INKA2: variants seen among roughly 807,000 people sequenced by gnomAD.
INKA2 encodes the protein inka box actin regulator 2.
Under a neutral mutation model 9.8 loss-of-function variants are expected in INKA2, and 3 were observed. The ratio of observed to expected loss-of-function variants is 0.31; its 90% CI spans 0.14 to 0.79. The LOEUF is 0.79. INKA2 is among the 30% of genes least tolerant of loss of function. The probability of loss-of-function intolerance (pLI) is 0.62; values close to 1 mark genes in which losing one functional copy is unlikely to be tolerated. For missense variants in INKA2, 392 were observed against 384.4 expected, an observed-to-expected ratio of 1.02 and a Z score of -0.17; for synonymous variants, 147 against 143.3, an observed-to-expected ratio of 1.03 and a Z score of -0.18.
chr1:111,748,432 A>C (rs1663320460), intron 1 of INKA2, among the ~76,000 whole-genome samples: 1 of 152,204 alleles, frequency 6.6e-6, no homozygotes, highest in African/African-American at 2.4e-5. Flanking sequence ...AGGCCCTTTG[A>C]AATGTCGAGA....
intron 1 of INKA2, among the ~76,000 whole-genome samples, chr1:111,748,327 G>C (rs1295989436): frequency 6.6e-6 from 1 of 152,228 alleles, no homozygotes; most frequent in African/African-American, 2.4e-5. Flanking sequence ...GCTGGCTCTA[G>C]ATTGGCCCTG....
At chr1:111,733,808 C>T (rs1662958960) in intron 1 of INKA2, among the ~76,000 whole-genome samples, 2 of 152,202 alleles carry the variant, frequency 1.3e-5, no homozygotes, top group Non-Finnish European at 1.5e-5. Context: ...AAACCCTCCC[C>T]TGGGCCCCGA....
upstream of INKA2, among the ~76,000 whole-genome samples, chr1:111,743,151 G>A (rs902757690): frequency 6.6e-6 from 1 of 152,162 alleles, no homozygotes; most frequent in Non-Finnish European, 1.5e-5. Context: ...CATTTCTGCT[G>A]AAGAGGAATC....
rs941532992 is a variant in INKA2, at chr1:111,726,455, G to A, written c.*513C>T. On this transcript the variant is annotated 3_prime_UTR_variant, in exon 2 of 2. Coordinates refer to ENST00000357260, the MANE Select transcript of INKA2 (RefSeq NM_019099.5). Reference sequence around the variant, plus strand: ...CTGCTCCAGTCCCAGGAGGCCTGGGGTTCAGTCCCTGTGCCTGGAGCAATG... The same window carrying A: ...CTGCTCCAGTCCCAGGAGGCCTGGGATTCAGTCCCTGTGCCTGGAGCAATG... 13 of 210,046 alleles carry A rather than the reference G, an allele frequency of 6.2e-5. No homozygotes were observed. Among genetic ancestry groups the A allele is most frequent in the Admixed American group, 2.2e-4 (4 of 18,494 alleles). 13.0% of individuals were successfully genotyped at this position (210,046 alleles called of 1,614,324 possible).
intron 1 of INKA2, among the ~76,000 whole-genome samples, chr1:111,731,642 G>A (rs1055961257): frequency 2.0e-5 from 3 of 152,122 alleles, no homozygotes; most frequent in Non-Finnish European, 2.9e-5. Context: ...GTAAGCTGCC[G>A]CGCCCAGCCA....
chr1:111,734,678 A>T (rs1662976329), intron 1 of INKA2, among the ~76,000 whole-genome samples: 1 of 152,202 alleles, frequency 6.6e-6, no homozygotes, highest in African/African-American at 2.4e-5. Context: ...TGGTCTTCAG[A>T]CATCCCCACC....
intron 1 of INKA2, 65 bp downstream of exon 1, chr1:111,739,121 G>A (rs1663078257): frequency 6.6e-6 from 10 of 1,512,540 alleles, no homozygotes; most frequent in Non-Finnish European, 8.2e-6. Context: ...GGGGGCCGGG[G>A]CGGAGACCAG....
chr1:111,743,141 C>A (rs1663183765), upstream of INKA2, among the ~76,000 whole-genome samples: 1 of 152,174 alleles, frequency 6.6e-6, no homozygotes. Context: ...GGACGTGATT[C>A]ATTTCTGCTG....
chr1:111,748,124 G>A (rs185869614), intron 1 of INKA2, among the ~76,000 whole-genome samples: 6 of 152,354 alleles, frequency 3.9e-5, no homozygotes, highest in Admixed American at 3.9e-4. Context: ...TGAGCCATGT[G>A]CTTGCAGGTG....
rs1484349248 is a variant in INKA2, at chr1:111,726,283, G to A, written c.*685C>T. ...TGCTATGTCAACATCCTTCCCCTGT[G>A]CATGGGGGAGACGCGGGGAGTGTCT... On this transcript the variant is annotated 3_prime_UTR_variant, in exon 2 of 2. Transcript: ENST00000357260. 2 of 384,484 alleles carry A rather than the reference G, an allele frequency of 5.2e-6. No homozygotes were observed. Among genetic ancestry groups the A allele is most frequent in the Non-Finnish European group, 9.2e-6 (2 of 217,638 alleles). 23.8% of individuals were successfully genotyped at this position (384,484 alleles called of 1,614,324 possible). A position where few individuals can be genotyped will look rare whatever the true frequency, so the allele number is the denominator to read the frequency against.
intron 1 of INKA2, among the ~76,000 whole-genome samples, chr1:111,736,661 A>G (rs1663013993): frequency 6.6e-6 from 1 of 152,198 alleles, no homozygotes; most frequent in Non-Finnish European, 1.5e-5. Context: ...CAGGCAACAC[A>G]ATGTCTTCCT....
At position 111,739,215 on chromosome 1, in the gene INKA2, A is replaced by G; in HGVS notation, c.28T>C (p.Cys10Arg). 6.2e-7 allele frequency: 1 copy of G among 1,613,734 alleles called. No individual in the cohort carries two copies. The highest frequency in any genetic ancestry group is 8.5e-7 in the Non-Finnish European group (1 of 1,179,770). MTMESREMDCYLRRLKQELM... is the reference protein window; with the variant it reads MTMESREMDRYLRRLKQELM... ...TCCTGTTTGAGGCGACGGAGATAGC[A>G]GTCCATTTCCCTGCTCTCCATCGTC... Residue 10 changes from cysteine (C) to arginine (R), a missense_variant, in exon 1 of 2, where the codon TGC becomes CGC. Cys to Arg is a radical substitution (Grantham distance 180, BLOSUM62 -3). Coordinates refer to ENST00000357260, the MANE Select transcript of INKA2 (RefSeq NM_019099.5).
intron 1 of INKA2, among the ~76,000 whole-genome samples, chr1:111,738,906 T>A (rs1480360749): frequency 6.6e-6 from 1 of 152,196 alleles, no homozygotes; most frequent in Non-Finnish European, 1.5e-5. Context: ...CTATCTTCTC[T>A]CTGGGGTTCT....
chr1:111,726,087 A>G lies in INKA2; in HGVS notation c.*881T>C, dbSNP rs978020557. The G allele has an allele frequency of 1.8e-5, 7 of 398,552 alleles. No individual in the cohort carries two copies. Among genetic ancestry groups the G allele is most frequent in the East Asian group, 7.1e-5 (2 of 28,090 alleles). 24.7% of individuals were successfully genotyped at this position (398,552 alleles called of 1,614,324 possible). On this transcript the variant is annotated 3_prime_UTR_variant, in exon 2 of 2. Transcript: ENST00000357260. ...AGGAGTGTTGGTAACTCCAGGGTCC[A>G]GCTTCTACTCTGCAGTTAGACCTAG...
At position 111,723,200 on chromosome 1, in the gene INKA2, G is replaced by A. The variant is rs1662686957; in HGVS notation, c.*3768C>T. ...TCTTGCTCTTGTCCAGACCACGTAG[G>A]AAACGATGGTGTGACTTGGGAAAGA... On this transcript the variant is annotated 3_prime_UTR_variant, in exon 2 of 2. Transcript: ENST00000357260. The A allele has an allele frequency of 1.6e-6, 1 of 616,078 alleles. No individual in the cohort carries two copies. The highest frequency in any genetic ancestry group is 2.9e-6 in the Non-Finnish European group (1 of 343,830). The allele number at this position is 616,078 out of a possible 1,614,324, so 38.2% of individuals were successfully genotyped here.
chr1:111,750,939 C>G (rs1663394325), intron 1 of INKA2, among the ~76,000 whole-genome samples: 1 of 152,206 alleles, frequency 6.6e-6, no homozygotes. Context: ...GACTTAACTT[C>G]CCTAAACAAC....
At chr1:111,738,257 G>A (rs1229792133) in intron 1 of INKA2, among the ~76,000 whole-genome samples, 1 of 152,208 alleles carries the variant, frequency 6.6e-6, no homozygotes, top group East Asian at 1.9e-4. Flanking sequence ...ACATTTGCCT[G>A]AATTCCGGTG....
intron 1 of INKA2, among the ~76,000 whole-genome samples, chr1:111,738,730 G>A (rs565197492): frequency 3.8e-4 from 58 of 152,216 alleles, no homozygotes; most frequent in African/African-American, 1.3e-3. Context: ...GCCCGCGCAG[G>A]GATCAGGACC....
chr1:111,746,397 C>A (rs1157981879), intron 1 of INKA2: 2 of 152,258 alleles, frequency 1.3e-5, no homozygotes, highest in African/African-American at 4.8e-5. Context: ...TTACTGCCTT[C>A]TCTCCTAGCA....
Sources: gnomAD v4.1 joint callset for allele counts (sites outside exome capture counted in the v4.1 genomes callset) on GRCh38, gnomAD v4.1.1 for gene constraint, MANE v1.5 for transcripts, NCBI Gene and HGNC (gene_info 2026-07-23, HGNC 2026-07-21) for gene names.